The following KLRC1 variants were observed in gnomAD, a reference collection of about 807,000 sequenced individuals.
KLRC1 encodes NKG2-A/NKG2-B type II integral membrane protein.
A neutral mutation model predicts 25.9 loss-of-function variants in KLRC1; 22 were observed. That is an observed-to-expected ratio of 0.85 (90% CI 0.61 to 1.21). KLRC1 has a LOEUF of 1.21. KLRC1 is among the 50% of genes most tolerant of loss of function. The pLI is 0.00. For synonymous variants in KLRC1, 77 were observed against 93.1 expected (o/e 0.83, Z 0.99); for missense variants, 240 against 272.2 (o/e 0.88, Z 0.83).
intron 3 of KLRC1, chr12:10,450,204 C>T (rs1864092388): frequency 2.3e-6 from 1 of 430,262 alleles, no homozygotes; most frequent in African/African-American, 2.1e-5. Flanking sequence ...TAACTACTTT[C>T]AAAAATTAAT....
In KLRC1 at chr12:10,447,265, T is replaced by C. The variant is rs546263406; in HGVS notation, c.590+267A>G. ...CTATCGTTAGTGTTAGTGTATTTTA[T>C]GTGTGGCCCAAGACTCTTCTTCTTC... On this transcript the variant is annotated intron_variant, in intron 6 of 6. Transcript: ENST00000359151. The C allele has an allele frequency of 7.6e-5, 23 of 302,658 alleles. No individual in the cohort carries two copies. In the Admixed American group the frequency reaches 9.0e-4, roughly 12 times the overall value. 18.7% of individuals were successfully genotyped at this position (302,658 alleles called of 1,614,324 possible).
downstream of KLRC1, chr12:10,442,320 T>C: frequency 2.1e-6 from 1 of 478,954 alleles, no homozygotes; most frequent in Non-Finnish European, 3.8e-6. Flanking sequence ...AAGTAAACAA[T>C]GAAAATATTT....
chr12:10,453,641 A>T (rs1367550846), upstream of KLRC1, among the ~76,000 whole-genome samples: 2 of 152,218 alleles, frequency 1.3e-5, no homozygotes, highest in South Asian at 4.1e-4. Flanking sequence ...CTAGGTTGCT[A>T]AATCTTAACA....
At chr12:10,443,332 G>A (rs1392466442), downstream of KLRC1, among the ~76,000 whole-genome samples, 10 of 139,810 alleles carry the variant, frequency 7.2e-5, 1 homozygote, top group East Asian at 1.1e-3. Flanking sequence ...GGAAAGATGA[G>A]GATAAAATAT....
At chr12:10,445,007 AC>A (rs1241103176), downstream of KLRC1, among the ~76,000 whole-genome samples, 5 of 137,094 alleles carry the variant, frequency 3.6e-5, no homozygotes, top group Non-Finnish European at 6.1e-5. Flanking sequence ...GCAACCTCCG[AC>A]CCCTGGTTTG....
downstream of KLRC1, chr12:10,445,961 T>C (rs61917719): frequency 0.17 from 25,216 of 150,266 alleles, 2,158 homozygotes; most frequent in East Asian, 0.23. Context: ...GTCAATATTA[T>C]AAAGAAGCTA....
In KLRC1 at chr12:10,451,037, A is replaced by G. The variant is rs147911749; in HGVS notation, c.120T>C (p.Tyr40=). ...SILATEQEIT[Y]AELNLQKASQ... is the part of the protein sequence containing the mutation. Reference sequence around the variant, plus strand: ...AAGCTTTTTGAAGGTTTAATTCCGCATAGGTTATTTCCTGTTCAGTTGCTA... The same window carrying G: ...AAGCTTTTTGAAGGTTTAATTCCGCGTAGGTTATTTCCTGTTCAGTTGCTA... The change falls in exon 2 of 7, where the codon TAT becomes TAC. Residue 40 remains tyrosine, a synonymous_variant. Transcript: ENST00000359151. The G allele has an allele frequency of 3.7e-6, 6 of 1,613,910 alleles. No individual in the cohort carries two copies. The highest frequency in any genetic ancestry group is 4.2e-6 in the Non-Finnish European group (5 of 1,179,980).
chr12:10,449,562 A>G lies in KLRC1; in HGVS notation c.338-174T>C, dbSNP rs1159838720. Among the ~76,000 whole-genome samples, 5 of 152,344 alleles carry G rather than the reference A, an allele frequency of 3.3e-5. No homozygotes were observed. The East Asian group carries it at 9.6e-4, about 29-fold the overall frequency. ...AGTCACTTATACACACATGCGCAAT[A>G]AAGGGTCAGCCTTTCATCTCCTAAT... On this transcript the variant is annotated intron_variant, in intron 4 of 6. Coordinates refer to ENST00000359151, the MANE Select transcript of KLRC1 (RefSeq NM_002259.5).
intron 6 of KLRC1, 172 bp downstream of exon 6, chr12:10,447,360 G>A (rs879101779): frequency 1.7e-5 from 9 of 532,536 alleles, no homozygotes; most frequent in Middle Eastern, 5.3e-4. Context: ...ACCAATGAGC[G>A]GTTGAAATAT....
In KLRC1 at chr12:10,449,981, A is replaced by C; in HGVS notation, c.284-14T>G. 1 of 1,454,474 alleles carries C rather than the reference A, an allele frequency of 6.9e-7. No homozygotes were observed. The highest frequency in any genetic ancestry group is 9.1e-7 in the Non-Finnish European group (1 of 1,096,234). The allele number at this position is 1,454,474 out of a possible 1,614,324, so 90.1% of individuals were successfully genotyped here. A position where few individuals can be genotyped will look rare whatever the true frequency, so the allele number is the denominator to read the frequency against. On this transcript the variant is annotated splice_polypyrimidine_tract_variant and intron_variant, in intron 3 of 6. Transcript: ENST00000359151. ...GTATTAATGTAGCTAGAAAAATTAA[A>C]GTAATCTTTGTAAAAAAATTAGCAT...
At chr12:10,443,227 T>G (rs1863934447), downstream of KLRC1, among the ~76,000 whole-genome samples, 1 of 141,634 alleles carries the variant, frequency 7.1e-6, no homozygotes. Flanking sequence ...GTCATTATTA[T>G]GCACTGCATG....
chr12:10,447,230 T>C (rs952923740), intron 6 of KLRC1: 1 of 231,984 alleles, frequency 4.3e-6, no homozygotes, highest in African/African-American at 2.3e-5. Context: ...TTCTTTTTTT[T>C]GCTCGTCAGC....
At position 10,449,979 on chromosome 12, in the gene KLRC1, A is replaced by G. The variant is rs754362912; in HGVS notation, c.284-12T>C. 1 of 1,457,758 alleles carries G rather than the reference A, an allele frequency of 6.9e-7. No homozygotes were observed. The highest frequency in any genetic ancestry group is 1.5e-5 in the South Asian group (1 of 68,318). The allele number at this position is 1,457,758 out of a possible 1,614,324, so 90.3% of individuals were successfully genotyped here. ...CTGTATTAATGTAGCTAGAAAAATT[A>G]AAGTAATCTTTGTAAAAAAATTAGC... is the stretch of plus-strand genomic sequence containing the variant. On this transcript the variant is annotated splice_polypyrimidine_tract_variant and intron_variant, in intron 3 of 6. Transcript: ENST00000359151.
At position 10,450,618 on chromosome 12, in the gene KLRC1, T is replaced by C. The variant is rs115594161; in HGVS notation, c.188-39A>G. On this transcript the variant is annotated intron_variant, in intron 2 of 6. Transcript: ENST00000359151. ...AATGGGAACAGTGCGAAAGGAGAGG[T>C]GGATACAGTCGTTTAGAAGATTCAC... 3.1e-4 allele frequency: 398 copies of C among 1,266,808 alleles called. 2 individuals are homozygous for C. In the African/African-American group the frequency reaches 4.4e-3, roughly 14 times the overall value. 78.5% of individuals were successfully genotyped at this position (1,266,808 alleles called of 1,614,324 possible). A position where few individuals can be genotyped will look rare whatever the true frequency, so the allele number is the denominator to read the frequency against.
intron 1 of KLRC1, 108 bp from the exon 2 acceptor site, chr12:10,451,295 A>G (rs1319062857): frequency 9.5e-6 from 5 of 525,020 alleles, no homozygotes; most frequent in Non-Finnish European, 1.5e-5. Context: ...TTTTGCATTA[A>G]ATAATCTAAA....
At chr12:10,443,476 C>T (rs1863937413), downstream of KLRC1, among the ~76,000 whole-genome samples, 1 of 32,766 alleles carries the variant, frequency 3.1e-5, no homozygotes, top group South Asian at 1.6e-3. Context: ...TTTTCCAAAC[C>T]ACTAGTAATA....
intron 1 of KLRC1, among the ~76,000 whole-genome samples, chr12:10,452,501 T>G (rs1864147061): frequency 6.6e-6 from 1 of 152,168 alleles, no homozygotes; most frequent in African/African-American, 2.4e-5. Flanking sequence ...TATAAAACGT[T>G]GCATGTAAAA....
chr12:10,454,044 C>G (rs77817082), upstream of KLRC1, among the ~76,000 whole-genome samples: 1 of 152,082 alleles, frequency 6.6e-6, no homozygotes, highest in Non-Finnish European at 1.5e-5. Context: ...CAAATTATGT[C>G]GACTTTCATA....
In KLRC1 at chr12:10,449,292, A is replaced by G. The variant is rs1192107807; in HGVS notation, c.434T>C (p.Leu145Pro). The G allele has an allele frequency of 6.2e-7, 1 of 1,613,544 alleles. No individual in the cohort carries two copies. Among genetic ancestry groups the G allele is most frequent in the Non-Finnish European group, 8.5e-7 (1 of 1,179,636 alleles). Residue 145 changes from leucine to proline, a missense_variant, in exon 5 of 7, where the codon CTG becomes CCG. By Grantham distance (98) the Leu-to-Pro change is moderately conservative. Coordinates refer to ENST00000359151, the MANE Select transcript of KLRC1 (RefSeq NM_002259.5). ...ACTGGAGTTCTTCGAAGTACAGGCCAGCAAACTCTCTTCCCAAGTTCTTCT... is the reference window on the plus strand; with the variant it reads ...ACTGGAGTTCTTCGAAGTACAGGCCGGCAAACTCTCTTCCCAAGTTCTTCT... ...KERRTWEESLLACTSKNSSLL... is the reference protein window; with the variant it reads ...KERRTWEESLPACTSKNSSLL...
Sources: allele counts gnomAD v4.1 joint callset (sites outside exome capture counted in the v4.1 genomes callset), GRCh38; gene constraint gnomAD v4.1.1; transcripts MANE v1.5; gene names NCBI Gene and HGNC (gene_info 2026-07-23, HGNC 2026-07-21).